SLAMF7: variants seen among roughly 807,000 people sequenced by gnomAD.
SLAMF7 encodes SLAM family member 7.
SLAMF7 carries 26 observed loss-of-function variants against 34.1 expected under a neutral mutation model. The ratio of observed to expected loss-of-function variants is 0.76; its 90% CI spans 0.56 to 1.06. The LOEUF (loss-of-function observed/expected upper bound fraction) is 1.06, where lower values mean the gene tolerates loss of function less well. SLAMF7 is among the 50% of genes least tolerant of loss of function. The pLI, the probability that SLAMF7 is intolerant of heterozygous loss-of-function variation, is 0.00. For missense variants in SLAMF7, 399 were observed against 402.5 expected, an observed-to-expected ratio of 0.99 and a Z score of 0.07; for synonymous variants, 171 against 156.4, an observed-to-expected ratio of 1.09 and a Z score of -0.70.
intron 1 of SLAMF7, among the ~76,000 whole-genome samples, chr1:160,747,405 T>TGTG (rs1212266377): frequency 1.3e-5 from 2 of 152,116 alleles, no homozygotes; most frequent in Non-Finnish European, 2.9e-5. Context: ...CAAGGCTGGG[T>TGTG]GTGGTGGCTC....
Position 160,750,197 on chromosome 1 carries a change from C to T in SLAMF7, c.649+104C>T, listed in dbSNP as rs890736540. On this transcript the variant is annotated intron_variant, in intron 3 of 6. Transcript: ENST00000368043. ...GACACTGTATGGAAACTGGAGGCCG[C>T]TGGGTGGTCACCAGGCTGGGAGGAA... The T allele has an allele frequency of 2.5e-6, 4 of 1,576,958 alleles. No homozygotes were observed. In the African/African-American group the frequency reaches 4.1e-5, roughly 16 times the overall value.
At chr1:160,744,545 T>C (rs1050990931) in intron 1 of SLAMF7, among the ~76,000 whole-genome samples, 6 of 152,242 alleles carry the variant, frequency 3.9e-5, no homozygotes, top group Non-Finnish European at 5.9e-5. Context: ...ACACGAGTCA[T>C]GTCCCTTGGC....
chr1:160,739,350 C>T lies in SLAMF7; in HGVS notation c.49C>T (p.Leu17Phe). The T allele has an allele frequency of 6.2e-7, 1 of 1,613,280 alleles. No individual in the cohort carries two copies. The highest frequency in any genetic ancestry group is 1.7e-4 in the Middle Eastern group (1 of 6,054). Residue 17 changes from leucine (L) to phenylalanine (F), a missense_variant, in exon 1 of 7, where the codon CTC becomes TTC. Coordinates refer to ENST00000368043, the MANE Select transcript of SLAMF7 (RefSeq NM_021181.5). ...CACCCTCATCTATATCCTTTGGCAG[C>T]TCACAGGTGAGTCCGGCCGGATTCT... The part of the protein sequence containing the change: ...CLTLIYILWQ[L>F]TGSAASGPVK...
intron 5 of SLAMF7, 24 bp from the exon 6 acceptor site, chr1:160,752,162 T>C: frequency 6.3e-7 from 1 of 1,597,572 alleles, no homozygotes. Flanking sequence ...ATGATTTCTT[T>C]TGTTTGTTGT....
At chr1:160,751,899 T>TATATATATAC (rs1419485176) in intron 5 of SLAMF7, 2 of 130,034 alleles carry the variant, frequency 1.5e-5, no homozygotes, top group South Asian at 2.4e-4. Flanking sequence ...TATATATATA[T>TATATATATAC]ATACACACAC....
In SLAMF7 at chr1:160,753,451, A is replaced by G. The variant is rs751409897; in HGVS notation, c.*274A>G. 2.1e-6 allele frequency: 1 copy of G among 472,958 alleles called. No homozygotes were observed. Among genetic ancestry groups the G allele is most frequent in the Non-Finnish European group, 3.8e-6 (1 of 263,938 alleles). 29.3% of individuals were successfully genotyped at this position (472,958 alleles called of 1,614,324 possible). Reference sequence around the variant, plus strand: ...TCAGCAAACCATAAAAAAAGTGCTTAGAAGTATTCCTATAAAAATGTAAAT... The same window carrying G: ...TCAGCAAACCATAAAAAAAGTGCTTGGAAGTATTCCTATAAAAATGTAAAT... On this transcript the variant is annotated 3_prime_UTR_variant, in exon 7 of 7. Transcript: ENST00000368043.
chr1:160,751,624 G>A (rs952261988), intron 5 of SLAMF7, 176 bp downstream of exon 5: 2 of 566,460 alleles, frequency 3.5e-6, no homozygotes, highest in African/African-American at 1.9e-5. Context: ...CTGTGCAGAA[G>A]AAGCTGGTGG....
chr1:160,739,572 T>C, intron 1 of SLAMF7: 1 of 478,022 alleles, frequency 2.1e-6, no homozygotes, highest in Non-Finnish European at 3.7e-6. Context: ...CCCTGTTGAC[T>C]GTCCCAGGGA....
At chr1:160,743,091 C>T (rs545443084) in intron 1 of SLAMF7, among the ~76,000 whole-genome samples, 70 of 152,318 alleles carry the variant, frequency 4.6e-4, no homozygotes, top group African/African-American at 1.7e-3. Context: ...GATCTGGCCT[C>T]TAATCCTGTG....
chr1:160,753,031 G>C (rs1203192506), intron 6 of SLAMF7, 75 bp from the exon 7 acceptor site: 2 of 1,380,400 alleles, frequency 1.4e-6, no homozygotes, highest in Admixed American at 1.7e-5. Flanking sequence ...AAGTTTCCTG[G>C]ATGTCAGGGT....
intron 1 of SLAMF7, among the ~76,000 whole-genome samples, chr1:160,746,326 C>T (rs971036936): frequency 6.6e-6 from 1 of 152,174 alleles, no homozygotes; most frequent in African/African-American, 2.4e-5. Flanking sequence ...GTCAAAAGTA[C>T]ACAGGAACCA....
chr1:160,749,384 G>A (rs561659682), intron 2 of SLAMF7, among the ~76,000 whole-genome samples: 2 of 152,328 alleles, frequency 1.3e-5, no homozygotes, highest in Admixed American at 1.3e-4. Context: ...TGAGCACAGA[G>A]TAGAGAAGGG....
chr1:160,745,582 C>CA (rs1664061117), intron 1 of SLAMF7, among the ~76,000 whole-genome samples: 1 of 152,006 alleles, frequency 6.6e-6, no homozygotes, highest in Non-Finnish European at 1.5e-5. Flanking sequence ...CAAATTTTTT[C>CA]TGAAAAGGGC....
Position 160,749,966 on chromosome 1 carries a change from C to A in SLAMF7, c.522C>A (p.Ser174=). 6.2e-7 allele frequency: 1 copy of A among 1,614,082 alleles called. No homozygotes were observed. The highest frequency in any genetic ancestry group is 8.5e-7 in the Non-Finnish European group (1 of 1,179,972). ...CCCTGGGGCAAGCAGCCAATGAGTCCCATAATGGGTCCATCCTCCCCATCT... is the reference window on the plus strand; with the variant it reads ...CCCTGGGGCAAGCAGCCAATGAGTCACATAATGGGTCCATCCTCCCCATCT... The part of the protein sequence containing the change: ...WKALGQAANE[S]HNGSILPISW... Residue 174 remains serine, a synonymous_variant, in exon 3 of 7, where the codon TCC becomes TCA. Coordinates refer to ENST00000368043, the MANE Select transcript of SLAMF7 (RefSeq NM_021181.5).
chr1:160,746,833 C>T (rs1441299715), intron 1 of SLAMF7, among the ~76,000 whole-genome samples: 2 of 152,080 alleles, frequency 1.3e-5, no homozygotes, highest in African/African-American at 4.8e-5. Flanking sequence ...TAACCATGTT[C>T]TTGGTGGTCC....
chr1:160,750,818 C>T (rs1664512484), intron 4 of SLAMF7: 1 of 218,482 alleles, frequency 4.6e-6, no homozygotes, highest in African/African-American at 2.3e-5. Context: ...TCCTTCCTAT[C>T]CCTGTCAGAG....
chr1:160,751,232 G>A (rs1664546161), intron 4 of SLAMF7, 113 bp from the exon 5 acceptor site: 1 of 750,834 alleles, frequency 1.3e-6, no homozygotes, highest in Non-Finnish European at 2.3e-6. Context: ...TCCATTACAA[G>A]GAAACTCGGC....
At chr1:160,747,022 T>C (rs746505215) in intron 1 of SLAMF7, among the ~76,000 whole-genome samples, 4 of 152,220 alleles carry the variant, frequency 2.6e-5, no homozygotes, top group Non-Finnish European at 4.4e-5. Flanking sequence ...TCACTGAAGA[T>C]AGCTTTGCTT....
chr1:160,751,433 A>G lies in SLAMF7; in HGVS notation c.858A>G (p.Thr286=), dbSNP rs375820287. ...CTGGAGAGAACACAGAGTACGACAC[A>G]ATCCCTCACACTAATGTGAGTCCCT... The part of the protein sequence containing the change: ...PHSGENTEYD[T]IPHTNRTILK... The change falls in exon 5 of 7, where the codon ACA becomes ACG. Residue 286 remains threonine (T), a synonymous_variant. Transcript: ENST00000368043. 4.3e-6 allele frequency: 7 copies of G among 1,613,150 alleles called. No homozygotes were observed. The highest frequency in any genetic ancestry group is 5.9e-6 in the Non-Finnish European group (7 of 1,179,268).
Sources: gnomAD v4.1 joint callset for allele counts (sites outside exome capture counted in the v4.1 genomes callset) on GRCh38, gnomAD v4.1.1 for gene constraint, MANE v1.5 for transcripts, NCBI Gene and HGNC (gene_info 2026-07-23, HGNC 2026-07-21) for gene names.